BBS9: variants seen among roughly 807,000 people sequenced by gnomAD.
BBS9 encodes protein PTHB1.
BBS9 carries 89 observed loss-of-function variants against 117.7 expected under a neutral mutation model. That is an observed-to-expected ratio of 0.76 (90% CI 0.64 to 0.90). The LOEUF (loss-of-function observed/expected upper bound fraction) is 0.90, where lower values mean the gene tolerates loss of function less well. Among genes scored for constraint, BBS9 ranks in the 40% least tolerant of loss-of-function variants. The pLI is 0.00. For synonymous variants in BBS9, 379 were observed against 370.9 expected (o/e 1.02, Z -0.25); for missense variants, 982 against 1,042.2 (o/e 0.94, Z 0.80).
chr7:33,546,815 T>TCTGTGCTCC (rs1356309204), intron 21 of BBS9, among the ~76,000 whole-genome samples: 4 of 152,244 alleles, frequency 2.6e-5, no homozygotes, highest in African/African-American at 9.6e-5. Context: ...AAATTTTCCA[T>TCTGTGCTCC]CTGTGCTCCC....
At chr7:33,478,834 T>C (rs1347741544) in intron 19 of BBS9, among the ~76,000 whole-genome samples, 3 of 152,028 alleles carry the variant, frequency 2.0e-5, no homozygotes, top group Non-Finnish European at 4.4e-5. Context: ...ATATAGTTTG[T>C]TCTCCCAAAT....
chr7:33,470,761 C>T (rs957546224), intron 19 of BBS9, among the ~76,000 whole-genome samples: 2 of 152,124 alleles, frequency 1.3e-5, no homozygotes, highest in Non-Finnish European at 2.9e-5. Flanking sequence ...CAAAGCAACA[C>T]ATGAATAATG....
intron 5 of BBS9, among the ~76,000 whole-genome samples, chr7:33,213,593 T>C (rs1788452425): frequency 6.6e-6 from 1 of 152,180 alleles, no homozygotes; most frequent in Non-Finnish European, 1.5e-5. Context: ...ATGTGCTGGG[T>C]CACATGTGTC....
chr7:33,374,860 C>T (rs1584544871), intron 17 of BBS9, among the ~76,000 whole-genome samples: 1 of 137,218 alleles, frequency 7.3e-6, no homozygotes, highest in South Asian at 2.3e-4. Context: ...GAGGTCATGC[C>T]ATTGCACTCC....
At chr7:33,300,080 G>T (rs1256684181) in intron 9 of BBS9, among the ~76,000 whole-genome samples, 2 of 152,210 alleles carry the variant, frequency 1.3e-5, no homozygotes, top group Admixed American at 1.3e-4. Flanking sequence ...GAAAGGGCCA[G>T]AGAAGGGATT....
chr7:33,141,148 C>G (rs1401873641), intron 1 of BBS9, among the ~76,000 whole-genome samples: 3 of 151,898 alleles, frequency 2.0e-5, no homozygotes, highest in African/African-American at 7.3e-5. Context: ...TGCAGGCTGG[C>G]ATGGTGGTTC....
At chr7:33,460,133 C>CT (rs1180488820) in intron 19 of BBS9, among the ~76,000 whole-genome samples, 2 of 152,062 alleles carry the variant, frequency 1.3e-5, no homozygotes, top group African/African-American at 4.8e-5. Context: ...TTAATCCTGC[C>CT]TTGTCTACAA....
At chr7:33,202,278 G>A (rs1390735643) in intron 5 of BBS9, among the ~76,000 whole-genome samples, 1 of 152,086 alleles carries the variant, frequency 6.6e-6, no homozygotes, top group Non-Finnish European at 1.5e-5. Flanking sequence ...ATTATTTTTG[G>A]AAGAAGAGGA....
rs931094244 is a variant in BBS9, at chr7:33,362,246, T to C, written c.1693+4251T>C. Among the ~76,000 whole-genome samples the C allele has an allele frequency of 4.6e-5, 7 of 152,330 alleles. No individual in the cohort carries two copies. The East Asian group carries it at 1.3e-3, about 29-fold the overall frequency. On this transcript the variant is annotated intron_variant, in intron 16 of 22. Transcript: ENST00000242067. ...ATTTTGATTGTCTTAACAGAATCTT[T>C]GGAAAAGCAGAAGTTCTTAATCTTC...
chr7:33,512,220 C>A (rs911729051), intron 20 of BBS9, among the ~76,000 whole-genome samples: 1 of 152,078 alleles, frequency 6.6e-6, no homozygotes, highest in African/African-American at 2.4e-5. Context: ...ATCTTAGAGG[C>A]TTTCTGATGG....
chr7:33,222,146 AGT>A (rs368489883), intron 5 of BBS9, among the ~76,000 whole-genome samples: 12 of 152,020 alleles, frequency 7.9e-5, no homozygotes, highest in African/African-American at 2.9e-4. Flanking sequence ...AATTTCATGT[AGT>A]GTGTGTGTGT....
intron 19 of BBS9, among the ~76,000 whole-genome samples, chr7:33,464,664 G>T (rs140248817): frequency 0.011 from 1,645 of 151,728 alleles, 35 homozygotes; most frequent in African/African-American, 0.038. Context: ...AAGTGCTAGT[G>T]ATTTCATTCT....
At chr7:33,486,731 A>T (rs1843163571) in intron 19 of BBS9, among the ~76,000 whole-genome samples, 1 of 152,198 alleles carries the variant, frequency 6.6e-6, no homozygotes, top group Non-Finnish European at 1.5e-5. Context: ...AAAAAATCCC[A>T]GGATTCTTTC....
chr7:33,512,485 A>C (rs1847109207), intron 20 of BBS9, among the ~76,000 whole-genome samples: 1 of 152,214 alleles, frequency 6.6e-6, no homozygotes, highest in Non-Finnish European at 1.5e-5. Flanking sequence ...CTGTGAAATA[A>C]AGTAGGATTT....
chr7:33,160,067 G>C (rs1157869793), intron 4 of BBS9, among the ~76,000 whole-genome samples: 2 of 152,200 alleles, frequency 1.3e-5, no homozygotes, highest in African/African-American at 4.8e-5. Context: ...AGATACTGCT[G>C]TTTAGCCAGT....
intron 21 of BBS9, among the ~76,000 whole-genome samples, chr7:33,556,419 A>G (rs1585242669): frequency 6.6e-6 from 1 of 152,200 alleles, no homozygotes; most frequent in Admixed American, 6.6e-5. Flanking sequence ...ATTACAAAAC[A>G]TCATCTAAAT....
At chr7:33,286,077 G>C (rs566006243) in intron 9 of BBS9, among the ~76,000 whole-genome samples, 1 of 152,038 alleles carries the variant, frequency 6.6e-6, no homozygotes, top group Non-Finnish European at 1.5e-5. Context: ...AGTAGTTGCA[G>C]TTAGAATGCC....
At chr7:33,458,442 C>A (rs1192675962) in intron 19 of BBS9, among the ~76,000 whole-genome samples, 1 of 152,014 alleles carries the variant, frequency 6.6e-6, no homozygotes, top group Non-Finnish European at 1.5e-5. Context: ...ATTTCTAGTC[C>A]ATTTGTGGAT....
chr7:33,549,675 A>G (rs1439231539), intron 21 of BBS9, among the ~76,000 whole-genome samples: 2 of 151,856 alleles, frequency 1.3e-5, no homozygotes, highest in East Asian at 1.9e-4. Flanking sequence ...ACACATGAAA[A>G]AATGCTCATC....
Sources: gnomAD v4.1 joint callset for allele counts (sites outside exome capture counted in the v4.1 genomes callset) on GRCh38, gnomAD v4.1.1 for gene constraint, MANE v1.5 for transcripts, NCBI Gene and HGNC (gene_info 2026-07-23, HGNC 2026-07-21) for gene names.